Variants in KCTD1 observed in about 807,000 individuals in gnomAD.
KCTD1 encodes the protein BTB/POZ domain-containing protein KCTD1.
In KCTD1, 24 loss-of-function variants were observed where a neutral mutation model predicts 66.0. That is an observed-to-expected ratio of 0.36 (90% confidence interval 0.26 to 0.51). KCTD1 has a LOEUF of 0.51. Among genes scored for constraint, KCTD1 ranks in the 20% least tolerant of loss-of-function variants. KCTD1 has a pLI of 0.95. For missense variants in KCTD1, 943 were observed against 1,205.2 expected, an observed-to-expected ratio of 0.78 and a Z score of 3.22; for synonymous variants, 511 against 517.2, an observed-to-expected ratio of 0.99 and a Z score of 0.16.
intron 1 of KCTD1, among the ~76,000 whole-genome samples, chr18:26,634,331 G>A (rs1214516005): frequency 1.3e-5 from 2 of 152,176 alleles, no homozygotes; most frequent in African/African-American, 4.8e-5. Context: ...ACTTATAAGT[G>A]AGTGCAGAAA....
chr18:26,629,106 C>T, intron 1 of KCTD1: 1 of 926,480 alleles, frequency 1.1e-6, no homozygotes, highest in Non-Finnish European at 1.3e-6. Context: ...AACAAATCTA[C>T]AACAAATTAT....
At chr18:26,524,498 G>A (rs1026989673) in intron 1 of KCTD1, among the ~76,000 whole-genome samples, 4 of 152,074 alleles carry the variant, frequency 2.6e-5, no homozygotes, top group African/African-American at 9.7e-5. Context: ...ATTTACATGA[G>A]CCCCCAAAGT....
At chr18:26,480,239 C>T (rs1981571666) in intron 2 of KCTD1, among the ~76,000 whole-genome samples, 1 of 152,070 alleles carries the variant, frequency 6.6e-6, no homozygotes, top group Admixed American at 6.6e-5. Flanking sequence ...CCCCATATGA[C>T]CATCAACCAG....
chr18:26,546,745 T>A lies in KCTD1; in HGVS notation c.1792A>T (p.Ile598Phe). 3 of 1,549,244 alleles carry A rather than the reference T, an allele frequency of 1.9e-6. No individual in the cohort carries two copies. Among genetic ancestry groups the A allele is most frequent in the Non-Finnish European group, 2.6e-6 (3 of 1,146,160 alleles). ...TNSPTIVSPA[I>F]VSPTQDSRPN... The stretch of plus-strand genomic sequence containing the variant: ...TTGGTTACCTGGGTGGGGGAAACAA[T>A]AGCAGGTGAAACTATTGTGGGAGAA... Residue 598 changes from isoleucine (I) to phenylalanine (F), a missense_variant, in exon 1 of 5, where the codon ATT becomes TTT. By Grantham distance (21) the Ile-to-Phe change is conservative. Transcript: ENST00000580059.
intron 1 of KCTD1, among the ~76,000 whole-genome samples, chr18:26,617,457 T>C (rs1987280018): frequency 6.6e-6 from 1 of 152,230 alleles, no homozygotes; most frequent in Admixed American, 6.5e-5. Context: ...GACTAACAAT[T>C]TGGCTTTTGA....
At chr18:26,605,946 T>C (rs1987005445) in intron 1 of KCTD1, among the ~76,000 whole-genome samples, 1 of 152,158 alleles carries the variant, frequency 6.6e-6, no homozygotes, top group African/African-American at 2.4e-5. Context: ...CCTGACAACA[T>C]GTGCCCAAGG....
At chr18:26,639,895 G>T (rs768456554) in intron 1 of KCTD1, among the ~76,000 whole-genome samples, 1 of 152,200 alleles carries the variant, frequency 6.6e-6, no homozygotes, top group Non-Finnish European at 1.5e-5. Context: ...ACACAGCATA[G>T]AATCAATACA....
intron 1 of KCTD1, among the ~76,000 whole-genome samples, chr18:26,639,530 A>G (rs1987791823): frequency 6.6e-6 from 1 of 152,200 alleles, no homozygotes; most frequent in African/African-American, 2.4e-5. Flanking sequence ...AAAGAAAAAA[A>G]TGAGAAAATA....
chr18:26,460,013 T>G, intron 3 of KCTD1, 88 bp from the exon 4 acceptor site: 1 of 966,876 alleles, frequency 1.0e-6, no homozygotes, highest in South Asian at 1.6e-5. Context: ...TTTTTCCACT[T>G]CTTGTTATGT....
At chr18:26,631,298 G>T (rs1302217826), upstream of KCTD1, among the ~76,000 whole-genome samples, 2 of 152,078 alleles carry the variant, frequency 1.3e-5, no homozygotes, top group South Asian at 4.1e-4. Context: ...GTCCTTCCTT[G>T]TTCAAACATC....
At chr18:26,593,324 AGAGGAGGAGGAAGAGGAGGAAGAGGAG>A (rs1419687435) in intron 1 of KCTD1, among the ~76,000 whole-genome samples, 26 of 105,648 alleles carry the variant, frequency 2.5e-4, no homozygotes, top group South Asian at 1.3e-3. Flanking sequence ...AGGAGGAGGA[AGAGGAGGAGGAAGAGGAGGAAGAGGAG>A]GAGGAGGAAG....
At chr18:26,486,740 A>C (rs548529734) in intron 2 of KCTD1, among the ~76,000 whole-genome samples, 1 of 152,248 alleles carries the variant, frequency 6.6e-6, no homozygotes, top group African/African-American at 2.4e-5. Flanking sequence ...AGACTGTTGG[A>C]ATTAACTTGC....
At chr18:26,463,137 T>C (rs1223287286) in intron 3 of KCTD1, among the ~76,000 whole-genome samples, 1 of 152,226 alleles carries the variant, frequency 6.6e-6, no homozygotes, top group Non-Finnish European at 1.5e-5. Flanking sequence ...CCCTGTCCTA[T>C]GTCCATTTTA....
At chr18:26,536,385 T>G (rs1437883243) in intron 1 of KCTD1, among the ~76,000 whole-genome samples, 1 of 152,202 alleles carries the variant, frequency 6.6e-6, no homozygotes, top group Non-Finnish European at 1.5e-5. Flanking sequence ...AAAACACAAG[T>G]ATACTAAGGC....
chr18:26,586,927 G>T (rs1295193144), intron 1 of KCTD1, among the ~76,000 whole-genome samples: 4 of 152,262 alleles, frequency 2.6e-5, no homozygotes, highest in African/African-American at 4.8e-5. Flanking sequence ...TAACATGAAA[G>T]TGCAAGGTAA....
chr18:26,548,376 C>T lies in KCTD1; in HGVS notation c.161G>A (p.Gly54Asp). ...CTCCTCCTCTTCCTCCTCCTCCTCGCCCGCGCTGCAGTAGTGCGGACGGCT... is the reference window on the plus strand; with the variant it reads ...CTCCTCCTCTTCCTCCTCCTCCTCGTCCGCGCTGCAGTAGTGCGGACGGCT... ...RHSRPHYCSA[G>D]EEEEEEEEED... The change falls in exon 1 of 5, where the codon GGC becomes GAC. Residue 54 changes from glycine (G) to aspartate (D), a missense_variant. Gly to Asp is a moderately conservative substitution (Grantham distance 94). Transcript: ENST00000580059. 6.8e-7 allele frequency: 1 copy of T among 1,478,184 alleles called. No homozygotes were observed. Among genetic ancestry groups the T allele is most frequent in the Non-Finnish European group, 9.0e-7 (1 of 1,115,414 alleles). The allele number at this position is 1,478,184 out of a possible 1,614,324, so 91.6% of individuals were successfully genotyped here. A position where few individuals can be genotyped will look rare whatever the true frequency, so the allele number is the denominator to read the frequency against.
At chr18:26,584,008 TA>T (rs1018880254) in intron 1 of KCTD1, among the ~76,000 whole-genome samples, 5 of 152,246 alleles carry the variant, frequency 3.3e-5, no homozygotes, top group Non-Finnish European at 7.3e-5. Context: ...GATCAAGAAA[TA>T]AATCCATATA....
At chr18:26,630,883 A>G (rs1266018086), upstream of KCTD1, among the ~76,000 whole-genome samples, 1 of 152,228 alleles carries the variant, frequency 6.6e-6, no homozygotes, top group African/African-American at 2.4e-5. Flanking sequence ...CTCAAGGAAA[A>G]CAACTGGTTG....
intron 2 of KCTD1, among the ~76,000 whole-genome samples, chr18:26,477,369 A>T (rs1981404850): frequency 1.3e-5 from 2 of 152,226 alleles, no homozygotes; most frequent in South Asian, 4.1e-4. Flanking sequence ...CCAATTTTGG[A>T]ATGAACATTT....
Sources: gnomAD v4.1 joint callset for allele counts (sites outside exome capture counted in the v4.1 genomes callset) on GRCh38, gnomAD v4.1.1 for gene constraint, MANE v1.5 for transcripts, NCBI Gene and HGNC (gene_info 2026-07-23, HGNC 2026-07-21) for gene names.